Variants in PACS1 observed in about 807,000 individuals in gnomAD.
PACS1 encodes the protein phosphofurin acidic cluster sorting protein 1.
PACS1 carries 24 observed loss-of-function variants against 115.0 expected under a neutral mutation model. The observed-to-expected ratio is 0.21, with a 90% CI of 0.15 to 0.29. PACS1 has a LOEUF of 0.29. Among genes scored for constraint, PACS1 ranks in the 10% least tolerant of loss-of-function variants. PACS1 has a pLI of 1.00. For missense variants in PACS1, 838 were observed against 1,251.2 expected, an observed-to-expected ratio of 0.67 and a Z score of 4.98; for synonymous variants, 453 against 504.5, an observed-to-expected ratio of 0.90 and a Z score of 1.37.
chr11:66,237,987 C>T, intron 19 of PACS1: 1 of 892,280 alleles, frequency 1.1e-6, no homozygotes, highest in Non-Finnish European at 1.3e-6. Context: ...GGACTCCCAG[C>T]CCAGCTGCCT....
chr11:66,158,632 T>C (rs2134621310), intron 1 of PACS1, among the ~76,000 whole-genome samples: 1 of 152,178 alleles, frequency 6.6e-6, no homozygotes. Flanking sequence ...GCCCAGGAGT[T>C]CTAGGCTGCA....
At chr11:66,146,356 CAG>C (rs1163720667) in intron 1 of PACS1, among the ~76,000 whole-genome samples, 2 of 151,990 alleles carry the variant, frequency 1.3e-5, no homozygotes, top group Admixed American at 6.6e-5. Context: ...CTCAATAAAA[CAG>C]AAACTGTAAA....
chr11:66,142,068 C>T (rs993869835), intron 1 of PACS1, among the ~76,000 whole-genome samples: 10 of 152,006 alleles, frequency 6.6e-5, no homozygotes, highest in Admixed American at 2.0e-4. Flanking sequence ...CCTTAGCCTC[C>T]GAAAGTGCTG....
intron 1 of PACS1, among the ~76,000 whole-genome samples, chr11:66,112,304 A>G (rs994892542): frequency 7.2e-5 from 11 of 152,146 alleles, no homozygotes; most frequent in South Asian, 2.1e-4. Context: ...TGCCTGCCAC[A>G]TGGCCTGCCT....
intron 1 of PACS1, among the ~76,000 whole-genome samples, chr11:66,175,826 T>A (rs933317396): frequency 6.6e-6 from 1 of 152,172 alleles, no homozygotes; most frequent in African/African-American, 2.4e-5. Flanking sequence ...TGATTTTTCC[T>A]TCTCTACTCT....
In PACS1 at chr11:66,233,072, G is replaced by A. The variant is rs763243173; in HGVS notation, c.1838+6G>A. The A allele has an allele frequency of 6.9e-6, 11 of 1,594,400 alleles. No homozygotes were observed. In the South Asian group the frequency reaches 8.8e-5, roughly 13 times the overall value. ...CTCACCCGGATCCAGCGCTAGTAAG[G>A]GCTCTGGCCTCCCTTCTCCTGCCCT... On this transcript the variant is annotated splice_donor_region_variant and intron_variant, in intron 15 of 23. Coordinates refer to ENST00000320580, the MANE Select transcript of PACS1 (RefSeq NM_018026.4). The surrounding 1 kb of genome is among the most constrained non-coding windows in gnomAD (Gnocchi z 4.5).
chr11:66,194,694 A>G (rs766746224), intron 2 of PACS1, among the ~76,000 whole-genome samples: 7 of 152,208 alleles, frequency 4.6e-5, no homozygotes, highest in Non-Finnish European at 7.3e-5. Context: ...CAGCTTAAGG[A>G]TGGTGTATTT....
In PACS1 at chr11:66,111,735, C is replaced by T. The variant is rs146875310; in HGVS notation, c.356+40893C>T. Reference sequence around the variant, plus strand: ...CGTGATCTCTGCTCACTGCAACCTCCACCTCCCGGGTTCAAGTGATTCTCC... The same window carrying T: ...CGTGATCTCTGCTCACTGCAACCTCTACCTCCCGGGTTCAAGTGATTCTCC... On this transcript the variant is annotated intron_variant, in intron 1 of 23. Transcript: ENST00000320580. Among the ~76,000 whole-genome samples, 703 of 152,212 alleles carry T rather than the reference C, an allele frequency of 4.6e-3. 7 individuals carry two copies. The highest frequency in any genetic ancestry group is 0.014 in the African/African-American group (579 of 41,526).
intron 1 of PACS1, among the ~76,000 whole-genome samples, chr11:66,108,257 C>T (rs893429963): frequency 6.6e-6 from 1 of 152,182 alleles, no homozygotes. Flanking sequence ...GGTGTGTCTT[C>T]ATGTGGCCTT....
chr11:66,148,320 A>G (rs1465701632), intron 1 of PACS1, among the ~76,000 whole-genome samples: 1 of 151,966 alleles, frequency 6.6e-6, no homozygotes, highest in Non-Finnish European at 1.5e-5. Flanking sequence ...ATGCCTGGCT[A>G]ATTTTTGTAT....
At chr11:66,075,052 C>T (rs978336756) in intron 1 of PACS1, among the ~76,000 whole-genome samples, 19 of 146,342 alleles carry the variant, frequency 1.3e-4, no homozygotes, top group Admixed American at 2.1e-4. Context: ...GCTCCATTCT[C>T]CTGCCTCAGC....
intron 2 of PACS1, among the ~76,000 whole-genome samples, chr11:66,200,911 T>C (rs1054498219): frequency 1.1e-4 from 16 of 149,234 alleles, no homozygotes; most frequent in Non-Finnish European, 1.9e-4. Flanking sequence ...AAACAAGTCT[T>C]AAAACATTCA....
At chr11:66,219,850 G>A (rs770491421) in intron 8 of PACS1, 45 bp downstream of exon 8, 8 of 1,379,920 alleles carry the variant, frequency 5.8e-6, no homozygotes, top group East Asian at 2.3e-5. Flanking sequence ...AGAATTCCCC[G>A]GGTTTCACCC....
intron 1 of PACS1, among the ~76,000 whole-genome samples, chr11:66,113,327 C>T (rs940741708): frequency 6.6e-6 from 1 of 152,232 alleles, no homozygotes; most frequent in South Asian, 2.1e-4. Flanking sequence ...TCATCCCAGA[C>T]GTACTTACAT....
At chr11:66,192,686 G>A (rs7941431) in intron 1 of PACS1, among the ~76,000 whole-genome samples, 31,345 of 152,148 alleles carry the variant, frequency 0.21, 3,317 homozygotes, top group Middle Eastern at 0.28. Context: ...GGAGAAGAAT[G>A]TGTAAAGACT....
chr11:66,215,999 AG>A, intron 4 of PACS1, 119 bp from the exon 5 acceptor site: 1 of 725,274 alleles, frequency 1.4e-6, no homozygotes, highest in South Asian at 2.1e-5. Flanking sequence ...TGGATTTGAA[AG>A]TAAGGAAGAA....
chr11:66,243,794 C>G lies in PACS1; in HGVS notation c.*514C>G, dbSNP rs1281551920. On this transcript the variant is annotated 3_prime_UTR_variant, in exon 24 of 24. Transcript: ENST00000320580. ...TTTCAACTCTTATGGGGTTCTCCAC[C>G]TGCCCCAGAGCTTCTCAAGGGAGGG... 1 of 155,784 alleles carries G rather than the reference C, an allele frequency of 6.4e-6. No individual in the cohort carries two copies. The highest frequency in any genetic ancestry group is 1.9e-4 in the East Asian group (1 of 5,274). 9.7% of individuals were successfully genotyped at this position (155,784 alleles called of 1,614,324 possible).
chr11:66,224,290 G>T (rs1300944624), intron 10 of PACS1, among the ~76,000 whole-genome samples: 1 of 151,938 alleles, frequency 6.6e-6, no homozygotes, highest in Non-Finnish European at 1.5e-5. Context: ...TTTGGGACAG[G>T]GTAGAGCTTC....
intron 20 of PACS1, 114 bp downstream of exon 20, chr11:66,238,960 G>GACA: frequency 7.3e-7 from 1 of 1,370,330 alleles, no homozygotes; most frequent in Non-Finnish European, 1.0e-6. Context: ...GTCAGAGCTT[G>GACA]AGCAGGAAGC....
Sources: gnomAD v4.1 joint callset for allele counts (sites outside exome capture counted in the v4.1 genomes callset) on GRCh38, gnomAD v4.1.1 for gene constraint, Gnocchi (gnomAD v3.1) non-coding constraint, MANE v1.5 for transcripts, NCBI Gene and HGNC (gene_info 2026-07-23, HGNC 2026-07-21) for gene names.